The following INSL6 variants were observed in gnomAD, a reference collection of about 807,000 sequenced individuals.
The protein encoded by INSL6 is insulin-like peptide INSL6.
In INSL6, 16 loss-of-function variants were observed where a neutral mutation model predicts 9.4. That is an observed-to-expected ratio of 1.70 (90% CI 1.15 to 2.59). The LOEUF (loss-of-function observed/expected upper bound fraction) is 2.59. Ranked by LOEUF, INSL6 falls within the 30% of genes most tolerant of loss-of-function variation. The pLI is 0.00. For missense variants in INSL6, 391 were observed against 257.3 expected (o/e 1.52, Z -3.56); for synonymous variants, 154 against 96.9 (o/e 1.59, Z -3.46).
At position 5,174,144 on chromosome 9, in the gene INSL6, T is replaced by C. The variant is rs375945965; in HGVS notation, c.290-9879A>G. 1.2e-3 allele frequency among the ~76,000 whole-genome samples: 184 copies of C among 152,300 alleles called. 1 individual carries two copies. Among genetic ancestry groups the C allele is most frequent in the African/African-American group, 4.3e-3 (178 of 41,568 alleles). On this transcript the variant is annotated intron_variant, in intron 1 of 1. Transcript: ENST00000381641. Reference sequence around the variant, plus strand: ...ATTCTTCATCAGTTTTTAACTTCTATTGAATCACTCTTACCAGAAAACTTA... The same window carrying C: ...ATTCTTCATCAGTTTTTAACTTCTACTGAATCACTCTTACCAGAAAACTTA...
chr9:5,114,139 C>T, the INSL6 span: 2 of 392,188 alleles, frequency 5.1e-6, no homozygotes, highest in Non-Finnish European at 5.1e-6. Context: ...CAAGGTAACA[C>T]CTTTGAGGAC....
intron 1 of INSL6, among the ~76,000 whole-genome samples, chr9:5,170,929 T>C (rs989074137): frequency 6.6e-6 from 1 of 152,138 alleles, no homozygotes; most frequent in Non-Finnish European, 1.5e-5. Flanking sequence ...GAGCTGATAT[T>C]CTTTCTTCTG....
At chr9:5,081,496 C>A in the INSL6 span, among the ~76,000 whole-genome samples, 1 of 152,092 alleles carries the variant, frequency 6.6e-6, no homozygotes, top group Admixed American at 6.5e-5. Context: ...ACTAAAACTT[C>A]TTATTTTGGA....
At chr9:5,070,777 A>C in the INSL6 span, among the ~76,000 whole-genome samples, 1 of 152,078 alleles carries the variant, frequency 6.6e-6, no homozygotes, top group African/African-American at 2.4e-5. Flanking sequence ...TCAAGGGTCA[A>C]CTGTAGTACA....
chr9:5,048,198 A>G, the INSL6 span, among the ~76,000 whole-genome samples: 1 of 151,666 alleles, frequency 6.6e-6, no homozygotes, highest in African/African-American at 2.4e-5. Flanking sequence ...CTGGAGTGCA[A>G]TGGCGTGATC....
the INSL6 span, among the ~76,000 whole-genome samples, chr9:5,084,392 C>T: frequency 6.6e-6 from 1 of 152,128 alleles, no homozygotes; most frequent in Admixed American, 6.5e-5. Flanking sequence ...AAAATGATTG[C>T]ATGTCACCTT....
At chr9:5,120,167 G>C (rs1233464208), downstream of INSL6, among the ~76,000 whole-genome samples, 1 of 152,204 alleles carries the variant, frequency 6.6e-6, no homozygotes, top group Non-Finnish European at 1.5e-5. Context: ...CTCCTTCAGA[G>C]AGGAGGAACA....
chr9:5,089,357 C>T, the INSL6 span, among the ~76,000 whole-genome samples: 2 of 151,770 alleles, frequency 1.3e-5, no homozygotes, highest in South Asian at 2.1e-4. Flanking sequence ...GCTAACACAG[C>T]GAAACCCTGT....
intron 2 of INSL6, among the ~76,000 whole-genome samples, chr9:5,149,588 T>C (rs545747293): frequency 1.8e-4 from 28 of 152,312 alleles, no homozygotes; most frequent in African/African-American, 6.3e-4. Flanking sequence ...AAAGAAATTA[T>C]AGATGACACA....
Position 5,137,069 on chromosome 9 carries a change from A to G in INSL6, c.377-3477T>C, listed in dbSNP as rs529818260. ...GGAATCCAACTTACAAGGGATGTGA[A>G]GGACCTCTTCAAGGAGAACTACAAA... is the stretch of plus-strand genomic sequence containing the variant. On this transcript the variant is annotated intron_variant, in intron 2 of 3. Coordinates refer to the INSL6 transcript ENST00000649639. 6.2e-4 allele frequency among the ~76,000 whole-genome samples: 95 copies of G among 152,340 alleles called. 1 individual carries two copies. The highest frequency in any genetic ancestry group is 2.3e-3 in the African/African-American group (94 of 41,588).
chr9:5,033,488 G>C, the INSL6 span, among the ~76,000 whole-genome samples: 1 of 152,200 alleles, frequency 6.6e-6, no homozygotes, highest in Non-Finnish European at 1.5e-5. Flanking sequence ...GGCAGCCAGA[G>C]AGAAAGGTTG....
intron 2 of INSL6, among the ~76,000 whole-genome samples, chr9:5,137,537 T>C (rs1174924573): frequency 6.6e-6 from 1 of 152,200 alleles, no homozygotes; most frequent in Non-Finnish European, 1.5e-5. Flanking sequence ...GCTAGCCATA[T>C]GCAGAAAGCT....
At chr9:5,079,148 C>T in the INSL6 span, among the ~76,000 whole-genome samples, 1 of 152,080 alleles carries the variant, frequency 6.6e-6, no homozygotes, top group Admixed American at 6.6e-5. Flanking sequence ...GGCAGTAGTA[C>T]AGGAGTAGGG....
the INSL6 span, chr9:5,078,454 A>G: frequency 1.9e-6 from 3 of 1,608,368 alleles, no homozygotes; most frequent in African/African-American, 1.3e-5. Flanking sequence ...AGTAAGTTCT[A>G]GAAGGATTAT....
the INSL6 span, among the ~76,000 whole-genome samples, chr9:5,033,311 ACT>A: frequency 1.4e-4 from 21 of 152,340 alleles, no homozygotes; most frequent in Admixed American, 9.8e-4. Flanking sequence ...GTTGGAAAAC[ACT>A]CTGCAGGATA....
At chr9:5,146,317 T>C (rs1038359919) in intron 2 of INSL6, among the ~76,000 whole-genome samples, 1 of 152,186 alleles carries the variant, frequency 6.6e-6, no homozygotes, top group Non-Finnish European at 1.5e-5. Flanking sequence ...TCTACTGTGC[T>C]GGGTAGACCA....
At chr9:5,062,507 A>AAG in the INSL6 span, among the ~76,000 whole-genome samples, 1 of 98,342 alleles carries the variant, frequency 1.0e-5, no homozygotes, top group Admixed American at 1.0e-4. Context: ...TTGTAAAAAA[A>AAG]AAAAAAAAAA....
chr9:5,138,780 A>T (rs1824434005), intron 2 of INSL6, among the ~76,000 whole-genome samples: 1 of 152,084 alleles, frequency 6.6e-6, no homozygotes, highest in South Asian at 2.1e-4. Context: ...TATCTAAAAA[A>T]ATAGTTACCT....
At chr9:5,036,968 T>C in the INSL6 span, among the ~76,000 whole-genome samples, 2 of 152,136 alleles carry the variant, frequency 1.3e-5, no homozygotes, top group Non-Finnish European at 2.9e-5. Context: ...ACTCATCTGA[T>C]AAAGGGCTAA....
Sources: gnomAD v4.1 joint callset for allele counts (sites outside exome capture counted in the v4.1 genomes callset) on GRCh38, gnomAD v4.1.1 for gene constraint, MANE v1.5 for transcripts, NCBI Gene and HGNC (gene_info 2026-07-23, HGNC 2026-07-21) for gene names.